The following XIRP1 variants were observed in gnomAD, a reference collection of about 807,000 sequenced individuals.
XIRP1 encodes xin actin binding repeat containing 1, also known as xin actin-binding repeat-containing protein 1.
For synonymous variants in XIRP1, 984 were observed against 947.0 expected, an observed-to-expected ratio of 1.04 and a Z score of -0.72; for missense variants, 2,378 against 2,345.4, an observed-to-expected ratio of 1.01 and a Z score of -0.29.
In XIRP1 at chr3:39,187,325, C is replaced by T. The variant is rs769326834; in HGVS notation, c.2121G>A (p.Lys707=). The T allele has an allele frequency of 1.2e-4, 195 of 1,599,062 alleles. No individual in the cohort carries two copies. Among genetic ancestry groups the T allele is most frequent in the Non-Finnish European group, 1.5e-4 (177 of 1,171,846 alleles). Residue 707 remains lysine, a synonymous_variant, in exon 2 of 2, where the codon AAG becomes AAA. Coordinates refer to ENST00000340369, the MANE Select transcript of XIRP1 (RefSeq NM_194293.4). ...KEVFQALEAG[K]KEEQEPRVIA... ...TTACCCGGGGCTCCTGTTCTTCCTTCTTGCCTGCCTCCAGGGCCTGAAAAA... is the reference window on the plus strand; with the variant it reads ...TTACCCGGGGCTCCTGTTCTTCCTTTTTGCCTGCCTCCAGGGCCTGAAAAA...
rs143189170 is a variant in XIRP1 at position 39,184,737 on chromosome 3, G to A, written c.4709C>T (p.Ala1570Val). 6.2e-7 allele frequency: 1 copy of A among 1,614,148 alleles called. No homozygotes were observed. Among genetic ancestry groups the A allele is most frequent in the African/African-American group, 1.3e-5 (1 of 74,946 alleles). Residue 1570 changes from alanine (A) to valine (V), a missense_variant, in exon 2 of 2, where the codon GCC (alanine) becomes GTC (valine). Transcript: ENST00000340369. ...TGGAGGTCCCTGGAAATGGCCTCTG[G>A]CACTGGCCTCAGGCTGGAGGCTAGA... The part of the protein sequence containing the change: ...SMSSLQPEAS[A>V]RGHFQGPPKD...
In XIRP1 at chr3:39,184,310, C is replaced by T; in HGVS notation, c.5136G>A (p.Gln1712=). The T allele has an allele frequency of 6.2e-7, 1 of 1,614,210 alleles. No individual in the cohort carries two copies. ...AQDIGQALLH[Q]KGVQDKTGKK... is the part of the protein sequence containing the mutation. ...TCCCAGTTTTGTCTTGGACACCTTT[C>T]TGGTGGAGCAGGGCCTGGCCTATGT... The change falls in exon 2 of 2, where the codon CAG becomes CAA. Residue 1712 remains glutamine, a synonymous_variant. Coordinates refer to ENST00000340369, the MANE Select transcript of XIRP1 (RefSeq NM_194293.4).
chr3:39,183,974 G>A lies in XIRP1; in HGVS notation c.5472C>T (p.Asp1824=). 1 of 1,612,406 alleles carries A rather than the reference G, an allele frequency of 6.2e-7. No homozygotes were observed. ...CCTGCACCGTCTCAGCTTCTGTCAG[G>A]TCACTGCTGAACCCAGCTGGGCTGT... ...FLHSPAGFSS[D]LTEAETVQVS... The change falls in exon 2 of 2, where the codon GAC becomes GAT. Residue 1824 remains aspartate, a synonymous_variant. Transcript: ENST00000340369.
rs576324148 is a variant in XIRP1, at chr3:39,188,163, G to T, written c.1283C>A (p.Ala428Asp). 1 of 1,614,146 alleles carries T rather than the reference G, an allele frequency of 6.2e-7. No homozygotes were observed. The highest frequency in any genetic ancestry group is 2.2e-5 in the East Asian group (1 of 44,894). Residue 428 changes from alanine (A) to aspartate (D), a missense_variant, in exon 2 of 2, where the codon GCC becomes GAC. By Grantham distance (126) the Ala-to-Asp change is moderately radical (BLOSUM62 -2). Coordinates refer to ENST00000340369, the MANE Select transcript of XIRP1 (RefSeq NM_194293.4). ...SSSALPFSQSAPQRDELKGDV... is the reference protein window; with the variant it reads ...SSSALPFSQSDPQRDELKGDV... ...CCCCTTTAGCTCATCCCTCTGGGGG[G>T]CACTCTGAGAGAAGGGCAGTGCTGA...
chr3:39,186,791 A>G lies in XIRP1; in HGVS notation c.2655T>C (p.Gly885=). The G allele has an allele frequency of 6.2e-7, 1 of 1,613,926 alleles. No homozygotes were observed. ...CAGTCCTTGCCACGGAGGTCCCAAG[A>G]CCGCAAGCCAGCAGCTGCTGGAGCT... ...DPELQQLLAC[G]LGTSVARTGL... Residue 885 remains glycine (G), a synonymous_variant, in exon 2 of 2, where the codon GGT becomes GGC. Coordinates refer to ENST00000340369, the MANE Select transcript of XIRP1 (RefSeq NM_194293.4).
In XIRP1 at chr3:39,186,022, T is replaced by C; in HGVS notation, c.3424A>G (p.Ile1142Val). ...GTCCTCACGGGATGAGCGGTGTAGA[T>C]GCCATCCTGAATTGTCACCCACCCC... ...PGGWVTIQDGIYTAHPVRTFD... is the reference protein window; with the variant it reads ...PGGWVTIQDGVYTAHPVRTFD... The change falls in exon 2 of 2, where the codon ATC becomes GTC. Residue 1142 changes from isoleucine (I) to valine (V), a missense_variant. Transcript: ENST00000340369. 1 of 1,614,102 alleles carries C rather than the reference T, an allele frequency of 6.2e-7. No homozygotes were observed. The highest frequency in any genetic ancestry group is 8.5e-7 in the Non-Finnish European group (1 of 1,179,986).
At position 39,188,393 on chromosome 3, in the gene XIRP1, G is replaced by A. The variant is rs759725854; in HGVS notation, c.1053C>T (p.Thr351=). 1 of 1,611,818 alleles carries A rather than the reference G, an allele frequency of 6.2e-7. No homozygotes were observed. The highest frequency in any genetic ancestry group is 2.2e-5 in the East Asian group (1 of 44,780). The change falls in exon 2 of 2, where the codon ACC becomes ACT. Residue 351 remains threonine (T), a synonymous_variant. Transcript: ENST00000340369. The stretch of plus-strand genomic sequence containing the variant: ...CCCCCTTCAGAGTGTCCAGCGCTCG[G>A]GTCTCAAACAGATGCTGCTGCTGCT... ...DVQQQQHLFE[T]RALDTLKGDE... is the part of the protein sequence containing the mutation.
At chr3:39,191,341 C>T (rs2040085734) in intron 1 of XIRP1, among the ~76,000 whole-genome samples, 1 of 151,922 alleles carries the variant, frequency 6.6e-6, no homozygotes, top group Non-Finnish European at 1.5e-5. Context: ...ATGGTGTGTG[C>T]ACACCATCAG....
At position 39,187,187 on chromosome 3, in the gene XIRP1, C is replaced by T; in HGVS notation, c.2259G>A (p.Glu753=). The change falls in exon 2 of 2, where the codon GAG becomes GAA. Residue 753 remains glutamate, a synonymous_variant. Transcript: ENST00000340369. Reference sequence around the variant, plus strand: ...TGTTGCCTGAGGGGCTCATGGGCTGCTCTTCCAGGAGGTTGCCCCCTTGGA... The same window carrying T: ...TGTTGCCTGAGGGGCTCATGGGCTGTTCTTCCAGGAGGTTGCCCCCTTGGA... ...ESIQGGNLLE[E]QPMSPSGNRM... is the part of the protein sequence containing the mutation. 1 of 1,599,700 alleles carries T rather than the reference C, an allele frequency of 6.3e-7. No homozygotes were observed. Among genetic ancestry groups the T allele is most frequent in the Non-Finnish European group, 8.6e-7 (1 of 1,169,304 alleles).
In XIRP1 at chr3:39,189,096, G is replaced by A. The variant is rs1453770407; in HGVS notation, c.350C>T (p.Pro117Leu). The A allele has an allele frequency of 6.2e-7, 1 of 1,614,176 alleles. No individual in the cohort carries two copies. Among genetic ancestry groups the A allele is most frequent in the African/African-American group, 1.3e-5 (1 of 75,060 alleles). ...GGCCTGGACGTCACCACACAGCACG[G>A]GCTCCTTGGCAGCTGGCCTCTCGTG... ...GEHERPAAKEPVLCGDVQATS... is the reference protein window; with the variant it reads ...GEHERPAAKELVLCGDVQATS... Residue 117 changes from proline to leucine, a missense_variant, in exon 2 of 2, where the codon CCC becomes CTC. Physicochemically the swap from Pro to Leu is moderately conservative, Grantham distance 98 (BLOSUM62 -3). Coordinates refer to ENST00000340369, the MANE Select transcript of XIRP1 (RefSeq NM_194293.4).
In XIRP1 at chr3:39,186,933, G is replaced by A; in HGVS notation, c.2513C>T (p.Pro838Leu). ...PRIICQVLRR[P>L]DVDQQGLLVQ... ...CAGCAGCCCCTGCTGGTCCACATCTGGCCGGCGCAGGACTTGGCAGATGAT... is the reference window on the plus strand; with the variant it reads ...CAGCAGCCCCTGCTGGTCCACATCTAGCCGGCGCAGGACTTGGCAGATGAT... Residue 838 changes from proline to leucine, a missense_variant, in exon 2 of 2, where the codon CCA (proline) becomes CTA (leucine). Coordinates refer to ENST00000340369, the MANE Select transcript of XIRP1 (RefSeq NM_194293.4). 1 of 1,613,784 alleles carries A rather than the reference G, an allele frequency of 6.2e-7. No individual in the cohort carries two copies. The highest frequency in any genetic ancestry group is 1.7e-5 in the Admixed American group (1 of 60,030).
rs779058487 is a variant in XIRP1, at chr3:39,184,020, G to C, written c.5426C>G (p.Pro1809Arg). ...GCTGTGCAGGAACTGCCTCAGCAAG[G>C]GGGAGGCGTGGAGCCCGAGGTGGGA... ...PGSHLGLHAS[P>R]LLRQFLHSPA... The change falls in exon 2 of 2, where the codon CCC becomes CGC. Residue 1809 changes from proline to arginine, a missense_variant. Physicochemically the swap from Pro to Arg is moderately radical, Grantham distance 103. Coordinates refer to ENST00000340369, the MANE Select transcript of XIRP1 (RefSeq NM_194293.4). 6.2e-6 allele frequency: 10 copies of C among 1,613,124 alleles called. No individual in the cohort carries two copies. In the Admixed American group the frequency reaches 8.3e-5, roughly 13 times the overall value.
intron 1 of XIRP1, among the ~76,000 whole-genome samples, chr3:39,192,199 GC>G (rs1483255347): frequency 6.6e-6 from 1 of 152,222 alleles, no homozygotes; most frequent in Non-Finnish European, 1.5e-5. Context: ...CCTGGCAGGA[GC>G]CTATCCTTTC....
At chr3:39,190,623 A>C (rs1303621468) in intron 1 of XIRP1, among the ~76,000 whole-genome samples, 1 of 151,732 alleles carries the variant, frequency 6.6e-6, no homozygotes, top group Non-Finnish European at 1.5e-5. Context: ...TGGCCACCCC[A>C]GCTCAGCCTC....
Position 39,189,289 on chromosome 3 carries a change from C to T in XIRP1, c.157G>A (p.Glu53Lys), listed in dbSNP as rs368983354. 3.0e-5 allele frequency: 48 copies of T among 1,613,694 alleles called. No homozygotes were observed. Among genetic ancestry groups the T allele is most frequent in the Non-Finnish European group, 4.1e-5 (48 of 1,179,994 alleles). ...ATGTGCCTGTAGAGGCGGCGGAGCT[C>T]ACTAGCTTGCCGCTGCTGATGGAAC... ...SKFHQQRQAS[E>K]LRRLYRHIHP... Residue 53 changes from glutamate to lysine, a missense_variant, in exon 2 of 2, where the codon GAG (glutamate) becomes AAG (lysine). Physicochemically the swap from Glu to Lys is moderately conservative, Grantham distance 56. Transcript: ENST00000340369.
In XIRP1 at chr3:39,186,869, C is replaced by T. The variant is rs576192526; in HGVS notation, c.2577G>A (p.Pro859=). Residue 859 remains proline, a synonymous_variant, in exon 2 of 2, where the codon CCG becomes CCA. Transcript: ENST00000340369. The stretch of plus-strand genomic sequence containing the variant: ...TGCTGCCTGGAGTTGGCAGCCTCAG[C>T]GGCTTGAGTTGGAGCTGGCCAGTTG... ...EDPTGQLQLK[P]LRLPTPGSSG... The T allele has an allele frequency of 3.8e-4, 607 of 1,613,828 alleles. 3 individuals carry two copies. In the South Asian group the frequency reaches 5.7e-3, roughly 15 times the overall value.
intron 1 of XIRP1, among the ~76,000 whole-genome samples, chr3:39,190,532 C>T (rs1051229313): frequency 2.6e-5 from 4 of 152,172 alleles, no homozygotes; most frequent in East Asian, 1.9e-4. Flanking sequence ...TCCTGGATAC[C>T]GCTCTCTAAG....
In XIRP1 at chr3:39,185,855, C is replaced by T; in HGVS notation, c.3591G>A (p.Gly1197=). Residue 1197 remains glycine (G), a synonymous_variant, in exon 2 of 2, where the codon GGG becomes GGA. Transcript: ENST00000340369. The part of the protein sequence containing the change: ...QSTGPGREEP[G]GCTQMAWGPP... ...GCCCCCAGGCCATCTGTGTGCAGCCCCCAGGCTCCTCCCGCCCTGGCCCAG... is the reference window on the plus strand; with the variant it reads ...GCCCCCAGGCCATCTGTGTGCAGCCTCCAGGCTCCTCCCGCCCTGGCCCAG... The T allele has an allele frequency of 6.2e-7, 1 of 1,613,606 alleles. No individual in the cohort carries two copies. The highest frequency in any genetic ancestry group is 8.5e-7 in the Non-Finnish European group (1 of 1,179,838).
At position 39,188,651 on chromosome 3, in the gene XIRP1, C is replaced by T. The variant is rs370564322; in HGVS notation, c.795G>A (p.Ala265=). 1.3e-4 allele frequency: 211 copies of T among 1,612,860 alleles called. 1 individual carries two copies. The highest frequency in any genetic ancestry group is 1.6e-4 in the Non-Finnish European group (185 of 1,179,940). ...CAAAGAGCCAGCGGGCAGACCTCAC[C>T]GCGTTGCTTTGGATCTCCTCCCGGC... is the stretch of plus-strand genomic sequence containing the variant. ...AACREEIQSN[A]VRSARWLFET... The change falls in exon 2 of 2, where the codon GCG becomes GCA. Residue 265 remains alanine, a synonymous_variant. Coordinates refer to ENST00000340369, the MANE Select transcript of XIRP1 (RefSeq NM_194293.4).
Sources: allele counts gnomAD v4.1 joint callset (sites outside exome capture counted in the v4.1 genomes callset), GRCh38; gene constraint gnomAD v4.1.1; transcripts MANE v1.5; gene names NCBI Gene and HGNC (gene_info 2026-07-23, HGNC 2026-07-21).